Variants in C18orf63 observed in about 807,000 individuals in gnomAD.
The protein encoded by C18orf63 is uncharacterized protein C18orf63.
In C18orf63, 50 loss-of-function variants were observed where a neutral mutation model predicts 75.3. The observed-to-expected ratio is 0.66, with a 90% CI of 0.53 to 0.84. The LOEUF is 0.84. C18orf63 is among the 40% of genes least tolerant of loss of function. C18orf63 has a pLI of 0.00. For missense variants in C18orf63, 732 were observed against 800.2 expected (o/e 0.91, Z 1.03); for synonymous variants, 232 against 267.6 (o/e 0.87, Z 1.30).
At chr18:74,335,484 A>T (rs1984376438) in intron 7 of C18orf63, among the ~76,000 whole-genome samples, 1 of 152,136 alleles carries the variant, frequency 6.6e-6, no homozygotes, top group Non-Finnish European at 1.5e-5. Context: ...ACTTTAAAAT[A>T]ATGCTTTCCT....
chr18:74,334,082 A>G (rs966090309), intron 7 of C18orf63, among the ~76,000 whole-genome samples: 3 of 152,072 alleles, frequency 2.0e-5, no homozygotes, highest in African/African-American at 7.2e-5. Context: ...TTTATTCCCC[A>G]TGGAGCCTAA....
At chr18:74,341,950 G>T in intron 8 of C18orf63, 82 bp from the exon 9 acceptor site, 1 of 689,392 alleles carries the variant, frequency 1.5e-6, no homozygotes, top group Non-Finnish European at 2.4e-6. Flanking sequence ...AATCTTTTTT[G>T]AACACTTTCT....
chr18:74,318,651 A>G (rs1191813897), intron 2 of C18orf63, among the ~76,000 whole-genome samples: 2 of 152,116 alleles, frequency 1.3e-5, no homozygotes, highest in South Asian at 2.1e-4. Context: ...TTAGCTGGGC[A>G]TGGTGGCAGG....
chr18:74,316,040 CCT>C lies in C18orf63; in HGVS notation c.-101_-100del, dbSNP rs1377881834. Reference sequence around the variant, plus strand: ...TGCCGCCCACCCGCCCTTTCCTCCCCCTGAGGAGACGCCTGACGCATCTGCAG... The same window carrying C: ...TGCCGCCCACCCGCCCTTTCCTCCCCGAGGAGACGCCTGACGCATCTGCAG... On this transcript the variant is annotated 5_prime_UTR_variant, in exon 1 of 14. Coordinates refer to ENST00000579455, the MANE Select transcript of C18orf63 (RefSeq NM_001174123.2). The C allele has an allele frequency of 6.6e-6, 1 of 152,282 alleles. No individual in the cohort carries two copies. The highest frequency in any genetic ancestry group is 1.9e-4 in the East Asian group (1 of 5,162). The allele number at this position is 152,282 out of a possible 1,614,324, so 9.4% of individuals were successfully genotyped here.
rs147865301 is a variant in C18orf63, at chr18:74,349,950, A to T, written c.979-3296A>T. 1.3e-3 allele frequency among the ~76,000 whole-genome samples: 201 copies of T among 152,324 alleles called. 1 individual carries two copies. The Middle Eastern group carries it at 0.031, about 23-fold the overall frequency. On this transcript the variant is annotated intron_variant, in intron 11 of 13. Transcript: ENST00000579455. ...CACATCCAAACCCTAGCTGCAAAAGATGAAATATAAATTTTAGATTTCCAG... is the reference window on the plus strand; with the variant it reads ...CACATCCAAACCCTAGCTGCAAAAGTTGAAATATAAATTTTAGATTTCCAG...
At chr18:74,354,626 G>A (rs1267752358) in intron 13 of C18orf63, 80 bp downstream of exon 13, 9 of 627,844 alleles carry the variant, frequency 1.4e-5, no homozygotes, top group African/African-American at 1.1e-4. Flanking sequence ...CCAACCTCTT[G>A]GTAAAAAGCA....
intron 7 of C18orf63, among the ~76,000 whole-genome samples, chr18:74,338,006 G>C (rs1984420164): frequency 6.6e-6 from 1 of 152,098 alleles, no homozygotes; most frequent in African/African-American, 2.4e-5. Context: ...TTAAGAATGG[G>C]GTAAGGGTTT....
rs1204862239 is a variant in C18orf63, at chr18:74,338,793, A to C, written c.580A>C (p.Ile194Leu). Residue 194 changes from isoleucine (I) to leucine (L), a missense_variant, in exon 8 of 14, where the codon ATT becomes CTT. Physicochemically the swap from Ile to Leu is conservative, Grantham distance 5. This residue lies in a region of C18orf63 where 233 missense variants were observed against 272.7 expected (regional missense o/e 0.85). Transcript: ENST00000579455. ...NKHAVIERHS[I>L]LSNWCYVLPS... ...GCATGCTGTCATTGAGAGACATTCC[A>C]TTTTAAGCAACTGGTGCTACGTTTT... 1 of 1,413,256 alleles carries C rather than the reference A, an allele frequency of 7.1e-7. No individual in the cohort carries two copies. Among genetic ancestry groups the C allele is most frequent in the Non-Finnish European group, 9.3e-7 (1 of 1,070,698 alleles). 87.5% of individuals were successfully genotyped at this position (1,413,256 alleles called of 1,614,324 possible).
In C18orf63 at chr18:74,349,287, A is replaced by G. The variant is rs116468420; in HGVS notation, c.979-3959A>G. On this transcript the variant is annotated intron_variant, in intron 11 of 13. Transcript: ENST00000579455. ...CTCTTTAAGGTAGAAATGTTCTTCA[A>G]TCCAATTTAGGAACCCTTCTTCTCA... Among the ~76,000 whole-genome samples the G allele has an allele frequency of 3.2e-3, 494 of 152,322 alleles. 3 individuals carry two copies. The highest frequency in any genetic ancestry group is 0.011 in the African/African-American group (465 of 41,570).
intron 4 of C18orf63, among the ~76,000 whole-genome samples, chr18:74,323,247 A>G (rs1984154941): frequency 6.6e-6 from 1 of 152,018 alleles, no homozygotes; most frequent in Non-Finnish European, 1.5e-5. Context: ...TCTGCATGTA[A>G]CTCTGAGACA....
intron 2 of C18orf63, 48 bp from the exon 3 acceptor site, chr18:74,320,465 A>C (rs1384071098): frequency 7.5e-7 from 1 of 1,334,378 alleles, no homozygotes; most frequent in Non-Finnish European, 1.0e-6. Flanking sequence ...GTGGGGACAC[A>C]GAACCAAACC....
intron 10 of C18orf63, among the ~76,000 whole-genome samples, chr18:74,343,001 T>G (rs570487753): frequency 6.6e-6 from 1 of 152,272 alleles, no homozygotes; most frequent in South Asian, 2.1e-4. Context: ...AAAACTGAGG[T>G]TAACATACAT....
Position 74,327,989 on chromosome 18 carries a change from TG to T in C18orf63, c.314del (p.Cys105SerfsTer21). 6.5e-7 allele frequency: 1 copy of T among 1,535,792 alleles called. No homozygotes were observed. Among genetic ancestry groups the T allele is most frequent in the Non-Finnish European group, 8.7e-7 (1 of 1,146,580 alleles). ...AGTAATTCCTGTAATTCTTCAGAAC[TG>T]CCTGTCATATTCATTCATGGCTAGA... The part of the protein sequence containing the change: ...QRVIPVILQN[C>X]LSYSFMARLA... On this transcript the variant is annotated frameshift_variant, in exon 5 of 14. Transcript: ENST00000579455. LOFTEE classifies it high-confidence loss of function.
intron 2 of C18orf63, among the ~76,000 whole-genome samples, chr18:74,318,755 A>G (rs185563279): frequency 6.2e-4 from 93 of 151,192 alleles, no homozygotes; most frequent in Middle Eastern, 3.4e-3. Context: ...GTGCCACTGC[A>G]CTCTAGCCTG....
chr18:74,335,987 A>G (rs1984384857), intron 7 of C18orf63, among the ~76,000 whole-genome samples: 1 of 152,120 alleles, frequency 6.6e-6, no homozygotes, highest in Non-Finnish European at 1.5e-5. Context: ...TATAAATTGG[A>G]GATAATGATA....
In C18orf63 at chr18:74,353,664, C is replaced by T; in HGVS notation, c.1397C>T (p.Ser466Phe). Residue 466 changes from serine (S) to phenylalanine (F), a missense_variant, in exon 12 of 14, where the codon TCT (serine) becomes TTT (phenylalanine). Ser to Phe is a radical substitution (Grantham distance 155, BLOSUM62 -2). Around this residue, in one of 3 missense-constraint regions of C18orf63, gnomAD observed 495 missense variants for 508.7 expected, o/e 0.97. Transcript: ENST00000579455. ...PKRKQHDVTQ[S>F]KLFSLKTSMI... ...AGAAAACAGCATGATGTGACACAAT[C>T]TAAATTGTTTTCACTCAAAACTAGT... The T allele has an allele frequency of 2.6e-6, 4 of 1,536,068 alleles. No homozygotes were observed. Among genetic ancestry groups the T allele is most frequent in the Non-Finnish European group, 3.5e-6 (4 of 1,146,856 alleles).
intron 7 of C18orf63, among the ~76,000 whole-genome samples, chr18:74,334,864 G>T (rs763855921): frequency 8.5e-4 from 130 of 152,168 alleles, no homozygotes; most frequent in Non-Finnish European, 1.7e-3. Flanking sequence ...TCCCATTACT[G>T]CTCTCCAAGT....
chr18:74,329,245 C>T (rs1984261631), intron 6 of C18orf63, among the ~76,000 whole-genome samples: 1 of 151,818 alleles, frequency 6.6e-6, no homozygotes, highest in Non-Finnish European at 1.5e-5. Flanking sequence ...AGCCAGGCAC[C>T]ACACCTGTAG....
At chr18:74,336,196 T>C (rs2145123284) in intron 7 of C18orf63, among the ~76,000 whole-genome samples, 1 of 152,224 alleles carries the variant, frequency 6.6e-6, no homozygotes, top group Admixed American at 6.5e-5. Flanking sequence ...CCTTCAACTC[T>C]GTCCTTTCTG....
Sources: gnomAD v4.1 joint callset for allele counts (sites outside exome capture counted in the v4.1 genomes callset) on GRCh38, gnomAD v4.1.1 for gene constraint, gnomAD v4.1.1 regional missense constraint, MANE v1.5 for transcripts, NCBI Gene and HGNC (gene_info 2026-07-23, HGNC 2026-07-21) for gene names.